Variants in PRKDC observed in about 807,000 individuals in gnomAD.
PRKDC encodes protein kinase, DNA-activated, catalytic subunit.
PRKDC carries 82 observed loss-of-function variants against 486.9 expected under a neutral mutation model. That is an observed-to-expected ratio of 0.17 (90% CI 0.14 to 0.20). The LOEUF (loss-of-function observed/expected upper bound fraction) is 0.20, where lower values mean the gene tolerates loss of function less well. Ranked by LOEUF, PRKDC falls within the 10% of genes least tolerant of loss-of-function variation. PRKDC has a pLI of 1.00. For synonymous variants in PRKDC, 1,895 were observed against 1,837.0 expected (o/e 1.03, Z -0.81); for missense variants, 4,504 against 5,038.2 (o/e 0.89, Z 3.21).
At chr8:47,804,757 C>CTGTTT (rs764972729) in intron 69 of PRKDC, among the ~76,000 whole-genome samples, 81 of 152,142 alleles carry the variant, frequency 5.3e-4, no homozygotes, top group Non-Finnish European at 9.6e-4. Flanking sequence ...CTCTGTTCAA[C>CTGTTT]TGTTTTGTTT....
chr8:47,876,767 C>A (rs2089100387), intron 40 of PRKDC, among the ~76,000 whole-genome samples: 1 of 151,978 alleles, frequency 6.6e-6, no homozygotes, highest in Non-Finnish European at 1.5e-5. Flanking sequence ...AGTGATGAGA[C>A]CTTCATTACA....
rs2090786834 is a variant in PRKDC, at chr8:47,960,039, C to T, written c.88G>A (p.Ala30Thr). The T allele has an allele frequency of 6.5e-7, 1 of 1,533,918 alleles. No individual in the cohort carries two copies. ...AGGCCGCGGATCAGTTGATGACCGG[C>T]CAGGGCAGCACCGCAGCGGTCCGCA... ...SAADRCGAAL[A>T]GHQLIRGLGQ... The change falls in exon 1 of 86, where the codon GCC (alanine) becomes ACC (threonine). Residue 30 changes from alanine (A) to threonine (T), a missense_variant. This residue lies in a region of PRKDC where 145 missense variants were observed against 136.3 expected (regional missense o/e 1.06). Coordinates refer to ENST00000314191, the MANE Select transcript of PRKDC (RefSeq NM_006904.7).
chr8:47,824,940 C>T (rs2087699062), intron 63 of PRKDC, among the ~76,000 whole-genome samples: 1 of 152,186 alleles, frequency 6.6e-6, no homozygotes, highest in Non-Finnish European at 1.5e-5. Flanking sequence ...CTTGCATTTA[C>T]ATCAAAAGAG....
At position 47,893,138 on chromosome 8, in the gene PRKDC, C is replaced by A; in HGVS notation, c.3847+1G>T. ...ACCAGAATAAGGCAAGGGTGACCTACCTAGGACCTGGAGCGCTCCTACAGT... is the reference window on the plus strand; with the variant it reads ...ACCAGAATAAGGCAAGGGTGACCTAACTAGGACCTGGAGCGCTCCTACAGT... On this transcript the variant is annotated splice_donor_variant, in intron 31 of 85. Transcript: ENST00000314191. LOFTEE classifies it high-confidence loss of function. 1 of 1,595,170 alleles carries A rather than the reference C, an allele frequency of 6.3e-7. No homozygotes were observed. Among genetic ancestry groups the A allele is most frequent in the Admixed American group, 1.7e-5 (1 of 59,264 alleles).
chr8:47,939,488 A>C (rs1208501367), intron 11 of PRKDC, 63 bp downstream of exon 11: 2 of 1,537,150 alleles, frequency 1.3e-6, no homozygotes, highest in Non-Finnish European at 1.8e-6. Context: ...AATGCAATGA[A>C]TTAGATTCCT....
At chr8:47,787,182 A>G (rs1024624367) in intron 76 of PRKDC, among the ~76,000 whole-genome samples, 1 of 152,250 alleles carries the variant, frequency 6.6e-6, no homozygotes, top group African/African-American at 2.4e-5. Context: ...CAGTTACTCA[A>G]CAGTTGTCAA....
At position 47,773,259 on chromosome 8, in the gene PRKDC, G is replaced by T; in HGVS notation, c.*914C>A. On this transcript the variant is annotated 3_prime_UTR_variant, in exon 86 of 86. Coordinates refer to ENST00000314191, the MANE Select transcript of PRKDC (RefSeq NM_006904.7). Reference sequence around the variant, plus strand: ...GTTTGGGTGTGGAGGACTGGCGGGGGGGGACAGGGACTGCACATGGGAAGG... The same window carrying T: ...GTTTGGGTGTGGAGGACTGGCGGGGTGGGACAGGGACTGCACATGGGAAGG... 1 of 228,252 alleles carries T rather than the reference G, an allele frequency of 4.4e-6. No homozygotes were observed. Among genetic ancestry groups the T allele is most frequent in the Non-Finnish European group, 8.8e-6 (1 of 113,804 alleles). The allele number at this position is 228,252 out of a possible 1,614,324, so 14.1% of individuals were successfully genotyped here.
At chr8:47,879,831 C>T (rs1417669068) in intron 38 of PRKDC, among the ~76,000 whole-genome samples, 173 bp from the exon 39 acceptor site, 1 of 148,280 alleles carries the variant, frequency 6.7e-6, no homozygotes, top group Non-Finnish European at 1.5e-5. Flanking sequence ...TTCTATACCT[C>T]AGCTTTTTTT....
chr8:47,779,629 C>T (rs1029868166), intron 80 of PRKDC, among the ~76,000 whole-genome samples: 11 of 152,230 alleles, frequency 7.2e-5, no homozygotes, highest in Middle Eastern at 3.4e-3. Context: ...CTAGCTCTGT[C>T]GCCAGGCTGG....
At chr8:47,896,662 A>C (rs889024489) in intron 30 of PRKDC, among the ~76,000 whole-genome samples, 1 of 151,832 alleles carries the variant, frequency 6.6e-6, no homozygotes, top group African/African-American at 2.4e-5. Flanking sequence ...AAAAAAAAAA[A>C]AAACTCCACC....
chr8:47,858,716 A>C, intron 47 of PRKDC, 81 bp from the exon 48 acceptor site: 1 of 1,446,758 alleles, frequency 6.9e-7, no homozygotes, highest in Non-Finnish European at 9.2e-7. Context: ...AACAAGGACA[A>C]AGTAAGACAT....
At chr8:47,877,603 A>T in intron 40 of PRKDC, 121 bp downstream of exon 40, 2 of 1,081,880 alleles carry the variant, frequency 1.8e-6, no homozygotes, top group East Asian at 5.8e-5. Flanking sequence ...CAAAAAACTA[A>T]AATAAAGTTT....
intron 19 of PRKDC, among the ~76,000 whole-genome samples, chr8:47,928,693 T>G (rs1045938437): frequency 4.0e-5 from 6 of 149,288 alleles, no homozygotes; most frequent in African/African-American, 1.5e-4. Context: ...GACACAATTG[T>G]TTTTTTTTGA....
chr8:47,830,102 G>C (rs190545737), intron 61 of PRKDC, among the ~76,000 whole-genome samples: 8 of 152,284 alleles, frequency 5.3e-5, no homozygotes, highest in Non-Finnish European at 1.0e-4. Context: ...GAACAGAATA[G>C]AGCACCCAGA....
At chr8:47,842,302 G>A (rs2088166647) in intron 54 of PRKDC, among the ~76,000 whole-genome samples, 2 of 152,124 alleles carry the variant, frequency 1.3e-5, no homozygotes, top group African/African-American at 2.4e-5. Flanking sequence ...TGAACGCACT[G>A]TAATCTAAGA....
Position 47,774,364 on chromosome 8 carries a change from G to C in PRKDC, c.12196C>G (p.Leu4066Val). The C allele has an allele frequency of 1.2e-6, 2 of 1,612,762 alleles. No homozygotes were observed. Among genetic ancestry groups the C allele is most frequent in the Non-Finnish European group, 1.7e-6 (2 of 1,179,724 alleles). The change falls in exon 86 of 86, where the codon CTG (leucine) becomes GTG (valine). Residue 4066 changes from leucine to valine, a missense_variant. By Grantham distance (32) the Leu-to-Val change is conservative (BLOSUM62 1). This residue lies in a region of PRKDC where 706 missense variants were observed against 945.0 expected (regional missense o/e 0.75). Coordinates refer to ENST00000314191, the MANE Select transcript of PRKDC (RefSeq NM_006904.7). ...PAVITCDELLLGHEKAPAFRD... is the reference protein window; with the variant it reads ...PAVITCDELLVGHEKAPAFRD... ...AAGGCAGGGGCCTTCTCATGACCCA[G>C]GAGTAGCTCATCACTGGAAAAAAAA...
chr8:47,868,463 CA>C (rs1312081755), intron 40 of PRKDC, among the ~76,000 whole-genome samples: 1 of 151,768 alleles, frequency 6.6e-6, no homozygotes, highest in East Asian at 1.9e-4. Flanking sequence ...AGCTACTAGG[CA>C]GGCTGAAGGA....
Position 47,953,740 on chromosome 8 carries a change from A to G in PRKDC, c.622-21T>C, listed in dbSNP as rs374048922. 2.6e-5 allele frequency: 42 copies of G among 1,597,586 alleles called. No individual in the cohort carries two copies. The African/African-American group carries it at 5.4e-4, about 20-fold the overall frequency. ...GTCATCTAAAAGAAAAGATTTAAGAAGATGTCATTACAAGAGAAAAACACA... is the reference window on the plus strand; with the variant it reads ...GTCATCTAAAAGAAAAGATTTAAGAGGATGTCATTACAAGAGAAAAACACA... On this transcript the variant is annotated intron_variant, in intron 6 of 85. Coordinates refer to ENST00000314191, the MANE Select transcript of PRKDC (RefSeq NM_006904.7).
intron 73 of PRKDC, among the ~76,000 whole-genome samples, chr8:47,794,962 C>G (rs1198263308): frequency 6.6e-6 from 1 of 152,142 alleles, no homozygotes; most frequent in Non-Finnish European, 1.5e-5. Context: ...GATCTTGGCT[C>G]ACTGCAACCT....
Sources: gnomAD v4.1 joint callset for allele counts (sites outside exome capture counted in the v4.1 genomes callset) on GRCh38, gnomAD v4.1.1 for gene constraint, gnomAD v4.1.1 regional missense constraint, MANE v1.5 for transcripts, NCBI Gene and HGNC (gene_info 2026-07-23, HGNC 2026-07-21) for gene names.